UBN2: variants seen among roughly 807,000 people sequenced by gnomAD.
The protein encoded by UBN2 is ubinuclein 2, also known as ubinuclein-2.
UBN2 carries 35 observed loss-of-function variants against 120.2 expected under a neutral mutation model. The ratio of observed to expected loss-of-function variants is 0.29; its 90% CI spans 0.22 to 0.39. UBN2 has a LOEUF of 0.39. Ranked by LOEUF, UBN2 falls within the 10% of genes least tolerant of loss-of-function variation. The probability of loss-of-function intolerance (pLI) is 1.00; values close to 1 mark genes in which losing one functional copy is unlikely to be tolerated. For missense variants in UBN2, 1,693 were observed against 1,663.2 expected, an observed-to-expected ratio of 1.02 and a Z score of -0.31; for synonymous variants, 661 against 648.7, an observed-to-expected ratio of 1.02 and a Z score of -0.29.
At chr7:139,240,050 T>A (rs1329532964) in intron 2 of UBN2, among the ~76,000 whole-genome samples, 1 of 152,160 alleles carries the variant, frequency 6.6e-6, no homozygotes, top group African/African-American at 2.4e-5. Context: ...TCTGAAGAAG[T>A]TGTTTGATGC....
chr7:139,297,725 T>G (rs1798149610), intron 17 of UBN2, 62 bp from the exon 18 acceptor site: 1 of 1,521,028 alleles, frequency 6.6e-7, no homozygotes, highest in African/African-American at 1.4e-5. Flanking sequence ...TTTTGCTTTG[T>G]TTTTGTTAGC....
the UBN2 span, among the ~76,000 whole-genome samples, chr7:139,324,842 A>G: frequency 1.1e-3 from 171 of 151,352 alleles, 1 homozygote; most frequent in African/African-American, 4.0e-3. Flanking sequence ...GCAGTGGTGG[A>G]CGCCTGTAAT....
the UBN2 span, among the ~76,000 whole-genome samples, chr7:139,318,992 G>A: frequency 1.3e-5 from 2 of 152,178 alleles, no homozygotes; most frequent in Non-Finnish European, 2.9e-5. Flanking sequence ...TCTCAGCAAG[G>A]TCAGGGTTGC....
At position 139,307,840 on chromosome 7, in the gene UBN2, C is replaced by G. The variant is rs1175140712; in HGVS notation, c.*10004C>G. 1 of 151,934 alleles carries G rather than the reference C, an allele frequency of 6.6e-6. No individual in the cohort carries two copies. The highest frequency in any genetic ancestry group is 1.5e-5 in the Non-Finnish European group (1 of 68,016). The allele number at this position is 151,934 out of a possible 1,614,324, so 9.4% of individuals were successfully genotyped here. On this transcript the variant is annotated 3_prime_UTR_variant, in exon 18 of 18. Transcript: ENST00000473989. Reference sequence around the variant, plus strand: ...GCTTGTCTCTAGTTTTTAGAAAGCTCTTATCACTCCTTCCTAAGAAAAAAG... The same window carrying G: ...GCTTGTCTCTAGTTTTTAGAAAGCTGTTATCACTCCTTCCTAAGAAAAAAG...
chr7:139,254,555 C>T (rs1321754228), intron 3 of UBN2, among the ~76,000 whole-genome samples: 1 of 152,196 alleles, frequency 6.6e-6, no homozygotes, highest in East Asian at 1.9e-4. Flanking sequence ...AGTCTTTTAG[C>T]ACCACCCGGT....
At chr7:139,328,652 C>T in the UBN2 span, among the ~76,000 whole-genome samples, 3 of 152,142 alleles carry the variant, frequency 2.0e-5, no homozygotes, top group Admixed American at 2.0e-4. Flanking sequence ...TCATGACTCA[C>T]ACCAGAGATG....
intron 2 of UBN2, among the ~76,000 whole-genome samples, chr7:139,241,985 G>T (rs79233856): frequency 2.0e-5 from 3 of 151,968 alleles, no homozygotes; most frequent in Non-Finnish European, 4.4e-5. Flanking sequence ...CGACAAGAGC[G>T]AGAATCCAGC....
chr7:139,256,817 G>GT (rs1323610566), intron 3 of UBN2, among the ~76,000 whole-genome samples: 1 of 152,034 alleles, frequency 6.6e-6, no homozygotes, highest in Non-Finnish European at 1.5e-5. Flanking sequence ...TAAGAAAGTA[G>GT]TTTTTTTCTT....
the UBN2 span, among the ~76,000 whole-genome samples, chr7:139,323,588 TATTATTA>T: frequency 4.2e-5 from 6 of 141,560 alleles, no homozygotes; most frequent in African/African-American, 1.1e-4. Context: ...TTATTATTAT[TATTATTA>T]TTATTATTTT....
chr7:139,321,705 C>T, the UBN2 span, among the ~76,000 whole-genome samples: 4 of 152,040 alleles, frequency 2.6e-5, no homozygotes, highest in African/African-American at 7.2e-5. Context: ...CCAGAACGCA[C>T]GAGAAAACAC....
Position 139,283,595 on chromosome 7 carries a change from TCTC to T in UBN2, c.2694_2696del (p.Ser901del). 1 of 1,614,080 alleles carries T rather than the reference TCTC, an allele frequency of 6.2e-7. No homozygotes were observed. The highest frequency in any genetic ancestry group is 1.1e-5 in the South Asian group (1 of 91,084). Reference sequence around the variant, plus strand: ...ACTTCTTCCTCTTCACAGACCCATGTCTCCTCTTCTTCCCAAGCCCAAATTGCT... The same window carrying T: ...ACTTCTTCCTCTTCACAGACCCATGTCTCTTCTTCCCAAGCCCAAATTGCT... On this transcript the variant is annotated inframe_deletion, in exon 15 of 18. Coordinates refer to ENST00000473989, the MANE Select transcript of UBN2 (RefSeq NM_173569.4).
intron 2 of UBN2, among the ~76,000 whole-genome samples, chr7:139,239,743 G>C (rs1796264701): frequency 6.6e-6 from 1 of 151,972 alleles, no homozygotes; most frequent in African/African-American, 2.4e-5. Context: ...ATTTAGTAGA[G>C]ATAGGGTTTC....
chr7:139,287,247 C>T (rs1190999130), intron 15 of UBN2, among the ~76,000 whole-genome samples: 2 of 152,090 alleles, frequency 1.3e-5, no homozygotes, highest in Non-Finnish European at 2.9e-5. Context: ...CCCGTATCCT[C>T]CTCCTAGGGT....
intron 2 of UBN2, among the ~76,000 whole-genome samples, chr7:139,242,275 C>A (rs1270238113): frequency 1.3e-5 from 2 of 152,154 alleles, no homozygotes; most frequent in Non-Finnish European, 2.9e-5. Context: ...AGAATCATAT[C>A]AATTACTCAT....
At chr7:139,276,007 A>G (rs1225987895) in intron 11 of UBN2, 90 bp from the exon 12 acceptor site, 7 of 975,244 alleles carry the variant, frequency 7.2e-6, no homozygotes, top group Non-Finnish European at 6.3e-6. Flanking sequence ...GTAATAGTCT[A>G]CTGAAAATTA....
intron 11 of UBN2, among the ~76,000 whole-genome samples, chr7:139,274,896 T>C (rs1346843632): frequency 2.0e-5 from 3 of 151,752 alleles, no homozygotes; most frequent in African/African-American, 7.3e-5. Context: ...CTGAGACCAG[T>C]CTCAAAAAAT....
chr7:139,311,177 G>A (rs1336506808), downstream of UBN2, among the ~76,000 whole-genome samples: 2 of 152,198 alleles, frequency 1.3e-5, no homozygotes, highest in East Asian at 3.8e-4. Flanking sequence ...AATTTGGTAA[G>A]GGTTGGGTTA....
chr7:139,276,260 A>T, intron 12 of UBN2, 113 bp downstream of exon 12: 1 of 1,013,312 alleles, frequency 9.9e-7, no homozygotes, highest in Non-Finnish European at 1.5e-6. Context: ...GATCATTTTG[A>T]CCATTGACTA....
At chr7:139,295,540 C>T (rs542731253) in intron 17 of UBN2, among the ~76,000 whole-genome samples, 2 of 152,260 alleles carry the variant, frequency 1.3e-5, no homozygotes, top group South Asian at 4.1e-4. Flanking sequence ...CACGAACTAT[C>T]AAATTTATCT....
Sources: allele counts gnomAD v4.1 joint callset (sites outside exome capture counted in the v4.1 genomes callset), GRCh38; gene constraint gnomAD v4.1.1; transcripts MANE v1.5; gene names NCBI Gene and HGNC (gene_info 2026-07-23, HGNC 2026-07-21).